The following DOCK9 variants were observed in gnomAD, a reference collection of about 807,000 sequenced individuals.
DOCK9 encodes dedicator of cytokinesis protein 9.
In DOCK9, 89 loss-of-function variants were observed where a neutral mutation model predicts 263.3. The ratio of observed to expected loss-of-function variants is 0.34; its 90% CI spans 0.28 to 0.40. The LOEUF is 0.40. Ranked by LOEUF, DOCK9 falls within the 10% of genes least tolerant of loss-of-function variation. The pLI, the probability that DOCK9 is intolerant of heterozygous loss-of-function variation, is 1.00. For synonymous variants in DOCK9, 976 were observed against 973.1 expected (o/e 1.00, Z -0.06); for missense variants, 2,140 against 2,603.4 (o/e 0.82, Z 3.87).
chr13:99,006,895 C>G (rs1468638718), intron 1 of DOCK9, among the ~76,000 whole-genome samples: 1 of 151,078 alleles, frequency 6.6e-6, no homozygotes, highest in Admixed American at 6.6e-5. Context: ...AGTTCCAGAC[C>G]AACCTGACAA....
At chr13:99,088,181 G>A (rs1164059389), upstream of DOCK9, 1 of 152,258 alleles carries the variant, frequency 6.6e-6, no homozygotes, top group Non-Finnish European at 1.5e-5. Flanking sequence ...AGCATTGAGT[G>A]AGCCTGGCAG....
At position 98,850,133 on chromosome 13, in the gene DOCK9, T is replaced by C. The variant is rs753590906; in HGVS notation, c.3947-20A>G. 34 of 1,437,650 alleles carry C rather than the reference T, an allele frequency of 2.4e-5. No homozygotes were observed. Among genetic ancestry groups the C allele is most frequent in the Non-Finnish European group, 3.1e-5 (33 of 1,072,890 alleles). 89.1% of individuals were successfully genotyped at this position (1,437,650 alleles called of 1,614,324 possible). A position where few individuals can be genotyped will look rare whatever the true frequency, so the allele number is the denominator to read the frequency against. On this transcript the variant is annotated intron_variant, in intron 35 of 52. Coordinates refer to ENST00000682017, the MANE Select transcript of DOCK9 (RefSeq NM_001366683.2). ...AAGCATCTAGAAAATAAACATTTACTTAGAATCACAATACATATGATATAC... is the reference window on the plus strand; with the variant it reads ...AAGCATCTAGAAAATAAACATTTACCTAGAATCACAATACATATGATATAC...
At chr13:98,853,062 A>T (rs1566721623) in intron 35 of DOCK9, among the ~76,000 whole-genome samples, 2 of 152,074 alleles carry the variant, frequency 1.3e-5, no homozygotes, top group African/African-American at 2.4e-5. Flanking sequence ...ACGAATAAAA[A>T]TTTTTTTTAA....
rs187316148 is a variant in DOCK9, at chr13:98,904,000, C to A, written c.1035+632G>T. 6.8e-3 allele frequency among the ~76,000 whole-genome samples: 1,035 copies of A among 152,214 alleles called. 16 individuals are homozygous for A. Among genetic ancestry groups the A allele is most frequent in the South Asian group, 0.047 (225 of 4,820 alleles). On this transcript the variant is annotated intron_variant, in intron 10 of 52. Transcript: ENST00000682017. ...AGGAAAGGAAGGTTATCATTTGATA[C>A]AAAGTTTCCGTGTGGGAAAATGAAG...
chr13:99,008,225 TATATA>T (rs1883757360), intron 1 of DOCK9, among the ~76,000 whole-genome samples: 1 of 122,266 alleles, frequency 8.2e-6, no homozygotes, highest in African/African-American at 3.2e-5. Context: ...TATATATATA[TATATA>T]TATATTTTTT....
intron 1 of DOCK9, among the ~76,000 whole-genome samples, chr13:99,067,196 G>A (rs2041459277): frequency 6.6e-6 from 1 of 152,118 alleles, no homozygotes; most frequent in Non-Finnish European, 1.5e-5. Flanking sequence ...TGCTCCTTGA[G>A]GACAAGGATA....
At chr13:98,826,121 T>C in intron 44 of DOCK9, 1 of 452,826 alleles carries the variant, frequency 2.2e-6, no homozygotes, top group South Asian at 7.9e-5. Flanking sequence ...TCACACTATT[T>C]CTCACTTCGT....
chr13:99,055,345 C>T (rs2040868176), intron 1 of DOCK9, among the ~76,000 whole-genome samples: 1 of 152,126 alleles, frequency 6.6e-6, no homozygotes, highest in South Asian at 2.1e-4. Flanking sequence ...TGTCCCCATG[C>T]GGTAGCAGGA....
In DOCK9 at chr13:98,902,377, T is replaced by C. The variant is rs1266418557; in HGVS notation, c.1291A>G (p.Thr431Ala). The change falls in exon 12 of 53, where the codon ACG becomes GCG. Residue 431 changes from threonine (T) to alanine (A), a missense_variant. By Grantham distance (58) the Thr-to-Ala change is moderately conservative (BLOSUM62 0). Transcript: ENST00000682017. ...HFSVRQMLAT[T>A]SPALMNGSGQ... Reference sequence around the variant, plus strand: ...CTGCCATTCATCAGCGCCGGGGACGTGGTGGCGAGCATTTGCCTCACTGAG... The same window carrying C: ...CTGCCATTCATCAGCGCCGGGGACGCGGTGGCGAGCATTTGCCTCACTGAG... 1 of 1,613,996 alleles carries C rather than the reference T, an allele frequency of 6.2e-7. No individual in the cohort carries two copies. Among genetic ancestry groups the C allele is most frequent in the Middle Eastern group, 1.6e-4 (1 of 6,062 alleles).
At chr13:98,826,093 G>A (rs1216862852) in intron 44 of DOCK9, 1 of 498,026 alleles carries the variant, frequency 2.0e-6, no homozygotes, top group Admixed American at 4.3e-5. Flanking sequence ...ACAGTCTGTG[G>A]CCTCGGCATC....
intron 29 of DOCK9, 76 bp downstream of exon 29, chr13:98,867,852 A>G: frequency 7.2e-7 from 1 of 1,394,296 alleles, no homozygotes; most frequent in Non-Finnish European, 9.8e-7. Flanking sequence ...CTTTAAAAAA[A>G]AAAAAGGAAA....
intron 1 of DOCK9, among the ~76,000 whole-genome samples, chr13:99,079,606 C>G (rs2042047297): frequency 6.6e-6 from 1 of 152,148 alleles, no homozygotes; most frequent in Non-Finnish European, 1.5e-5. Flanking sequence ...TAATACCTAC[C>G]AATCCCAATA....
intron 38 of DOCK9, among the ~76,000 whole-genome samples, chr13:98,841,737 T>G (rs1465191912): frequency 2.0e-5 from 3 of 150,978 alleles, no homozygotes; most frequent in African/African-American, 7.3e-5. Flanking sequence ...TTCTCCTGCC[T>G]CAACCTCCTG....
chr13:98,829,265 G>A lies in DOCK9; in HGVS notation c.4965+42C>T. On this transcript the variant is annotated intron_variant, in intron 43 of 52. Transcript: ENST00000682017. This position sits in a 1 kb window ranked among gnomAD's most constrained non-coding sequence, Gnocchi z 4.1. ...TTTTTAAGTGAATGGGGCCTCACTG[G>A]TTTTTTCAAAAACCCATTCAAGCGG... The A allele has an allele frequency of 6.4e-7, 1 of 1,559,310 alleles. No homozygotes were observed. The highest frequency in any genetic ancestry group is 8.7e-7 in the Non-Finnish European group (1 of 1,147,642).
intron 49 of DOCK9, among the ~76,000 whole-genome samples, chr13:98,803,207 T>C (rs1382631908): frequency 6.6e-6 from 1 of 152,174 alleles, no homozygotes; most frequent in East Asian, 1.9e-4. Flanking sequence ...TGTCCCCTTG[T>C]TCCCGCAGAT....
intron 2 of DOCK9, among the ~76,000 whole-genome samples, chr13:98,933,470 A>G: frequency 6.6e-6 from 1 of 152,186 alleles, no homozygotes; most frequent in South Asian, 2.1e-4. Flanking sequence ...GAGTTTTAAC[A>G]GATAAGATAG....
intron 30 of DOCK9, among the ~76,000 whole-genome samples, chr13:98,863,993 C>T (rs73556936): frequency 0.058 from 8,897 of 152,212 alleles, 668 homozygotes; most frequent in African/African-American, 0.16. Flanking sequence ...ATACATGGCT[C>T]ATTAAAATGT....
chr13:98,855,614 T>C (rs1308184092), intron 34 of DOCK9, among the ~76,000 whole-genome samples: 1 of 151,954 alleles, frequency 6.6e-6, no homozygotes, highest in Non-Finnish European at 1.5e-5. Context: ...GAAATTGAGA[T>C]GGGCAGCATT....
intron 2 of DOCK9, among the ~76,000 whole-genome samples, chr13:98,931,272 T>C (rs2053874091): frequency 6.7e-6 from 1 of 150,080 alleles, no homozygotes; most frequent in African/African-American, 2.4e-5. Context: ...TTTCCTTTTC[T>C]TTTTCTTTTT....
Sources: allele counts gnomAD v4.1 joint callset (sites outside exome capture counted in the v4.1 genomes callset), GRCh38; gene constraint gnomAD v4.1.1; non-coding constraint Gnocchi (gnomAD v3.1); transcripts MANE v1.5; gene names NCBI Gene and HGNC (gene_info 2026-07-23, HGNC 2026-07-21).